The following NCKAP1 variants were observed in gnomAD, a reference collection of about 807,000 sequenced individuals.
NCKAP1 encodes the protein NCK associated protein 1, also known as nck-associated protein 1.
Under a neutral mutation model 151.2 loss-of-function variants are expected in NCKAP1, and 21 were observed. That is an observed-to-expected ratio of 0.14 (90% CI 0.10 to 0.20). The LOEUF (loss-of-function observed/expected upper bound fraction) is 0.20. Ranked by LOEUF, NCKAP1 falls within the 10% of genes least tolerant of loss-of-function variation. The pLI, the probability that NCKAP1 is intolerant of heterozygous loss-of-function variation, is 1.00. For synonymous variants in NCKAP1, 484 were observed against 451.8 expected (o/e 1.07, Z -0.90); for missense variants, 933 against 1,352.1 (o/e 0.69, Z 4.86).
At chr2:182,993,997 A>G (rs559157311) in intron 8 of NCKAP1, among the ~76,000 whole-genome samples, 2 of 152,306 alleles carry the variant, frequency 1.3e-5, no homozygotes, top group African/African-American at 4.8e-5. Flanking sequence ...TGATGTTCAC[A>G]ATAAAACGAA....
chr2:182,952,108 A>G (rs1049309206), intron 23 of NCKAP1, among the ~76,000 whole-genome samples: 1 of 152,224 alleles, frequency 6.6e-6, no homozygotes, highest in Non-Finnish European at 1.5e-5. Flanking sequence ...GGTATTTCAA[A>G]GAAAACATCA....
intron 23 of NCKAP1, among the ~76,000 whole-genome samples, chr2:182,950,052 A>T (rs1224310287): frequency 6.6e-6 from 1 of 152,184 alleles, no homozygotes; most frequent in Non-Finnish European, 1.5e-5. Flanking sequence ...TGATACGGTG[A>T]CATATGAAAA....
At chr2:183,024,122 G>A (rs1698844831) in intron 1 of NCKAP1, among the ~76,000 whole-genome samples, 1 of 151,872 alleles carries the variant, frequency 6.6e-6, no homozygotes, top group Non-Finnish European at 1.5e-5. Context: ...AAAAATGCAT[G>A]GAAAGTTTCG....
chr2:182,972,567 T>C (rs1034290056), intron 15 of NCKAP1, among the ~76,000 whole-genome samples: 4 of 152,178 alleles, frequency 2.6e-5, no homozygotes, highest in Non-Finnish European at 4.4e-5. Context: ...GCTGGGTATA[T>C]ATCCAAAAGA....
chr2:182,929,736 G>A (rs1387896594), intron 27 of NCKAP1, among the ~76,000 whole-genome samples: 1 of 148,880 alleles, frequency 6.7e-6, no homozygotes, highest in African/African-American at 2.5e-5. Flanking sequence ...CTGTATGAAT[G>A]AGGAAACAAA....
rs1353764113 is a variant in NCKAP1, at chr2:182,986,239, A to C, written c.948-12T>G. ...TACGTTTATTATAGCTAGGTGCAAA[A>C]ACAAATTAGAACGTTAGTTTAATTT... On this transcript the variant is annotated splice_polypyrimidine_tract_variant and intron_variant, in intron 9 of 30. Transcript: ENST00000361354. 6.9e-5 allele frequency: 110 copies of C among 1,599,422 alleles called. No homozygotes were observed. Among genetic ancestry groups the C allele is most frequent in the Non-Finnish European group, 8.7e-5 (102 of 1,167,174 alleles).
rs1031880283 is a variant in NCKAP1 at position 182,925,515 on chromosome 2, A to G, written c.*187T>C. 48 of 360,128 alleles carry G rather than the reference A, an allele frequency of 1.3e-4. No individual in the cohort carries two copies. The highest frequency in any genetic ancestry group is 2.3e-4 in the Non-Finnish European group (45 of 192,524). 22.3% of individuals were successfully genotyped at this position (360,128 alleles called of 1,614,324 possible). A position where few individuals can be genotyped will look rare whatever the true frequency, so the allele number is the denominator to read the frequency against. The stretch of plus-strand genomic sequence containing the variant: ...ATCTCAGTGAATTCAGTGAATGTGC[A>G]ACCTAAATCAACCAAGTATACTGTA... On this transcript the variant is annotated 3_prime_UTR_variant, in exon 31 of 31. Coordinates refer to ENST00000361354, the MANE Select transcript of NCKAP1 (RefSeq NM_013436.5).
intron 13 of NCKAP1, among the ~76,000 whole-genome samples, chr2:182,979,756 G>A (rs1471671774): frequency 6.6e-6 from 1 of 152,082 alleles, no homozygotes; most frequent in Non-Finnish European, 1.5e-5. Context: ...AAAATGCTCA[G>A]GCTTTGGAGT....
chr2:182,935,249 G>T, intron 25 of NCKAP1, 44 bp downstream of exon 25: 1 of 1,249,384 alleles, frequency 8.0e-7, no homozygotes, highest in Non-Finnish European at 1.1e-6. Flanking sequence ...GAAATTAAAA[G>T]GGATTGTTTG....
chr2:182,964,903 A>G (rs1697532471), intron 16 of NCKAP1, 95 bp from the exon 17 acceptor site: 3 of 944,900 alleles, frequency 3.2e-6, no homozygotes, highest in Admixed American at 5.6e-5. Flanking sequence ...TGAATGAATG[A>G]TAACTGGTAG....
At position 182,968,926 on chromosome 2, in the gene NCKAP1, C is replaced by T. The variant is rs565417169; in HGVS notation, c.1483-1565G>A. Among the ~76,000 whole-genome samples, 5 of 152,140 alleles carry T rather than the reference C, an allele frequency of 3.3e-5. No individual in the cohort carries two copies. In the East Asian group the frequency reaches 9.6e-4, roughly 29 times the overall value. On this transcript the variant is annotated intron_variant, in intron 15 of 30. Coordinates refer to ENST00000361354, the MANE Select transcript of NCKAP1 (RefSeq NM_013436.5). ...TGAGACAGTGACACCACAAAGGAGA[C>T]TTTTGTATTTTGTTGTTTTTGTCTA...
At chr2:183,024,370 A>C (rs1698849542) in intron 1 of NCKAP1, among the ~76,000 whole-genome samples, 1 of 152,196 alleles carries the variant, frequency 6.6e-6, no homozygotes, top group South Asian at 2.1e-4. Context: ...TTTTAATACA[A>C]GAGCCCTAGT....
At chr2:182,974,331 G>T (rs776055761) in intron 15 of NCKAP1, among the ~76,000 whole-genome samples, 2 of 151,142 alleles carry the variant, frequency 1.3e-5, no homozygotes, top group African/African-American at 2.4e-5. Context: ...TTCTAAACGT[G>T]GTTAACAGCA....
chr2:182,929,109 C>T (rs897832568), intron 27 of NCKAP1, among the ~76,000 whole-genome samples: 3 of 151,376 alleles, frequency 2.0e-5, no homozygotes, highest in Admixed American at 2.0e-4. Flanking sequence ...GGACTATTAT[C>T]AACTACTTAG....
At chr2:182,990,556 C>G (rs1698147062) in intron 8 of NCKAP1, among the ~76,000 whole-genome samples, 1 of 152,088 alleles carries the variant, frequency 6.6e-6, no homozygotes, top group African/African-American at 2.4e-5. Context: ...TACATGCTGA[C>G]TGATATCCTC....
Position 182,993,735 on chromosome 2 carries a change from A to T in NCKAP1, c.790+1104T>A, listed in dbSNP as rs561594087. 1.2e-3 allele frequency among the ~76,000 whole-genome samples: 143 copies of T among 121,016 alleles called. 1 individual carries two copies. The highest frequency in any genetic ancestry group is 5.6e-3 in the African/African-American group (139 of 24,648). 79.4% of individuals were successfully genotyped at this position (121,016 alleles called of 152,430 possible). On this transcript the variant is annotated intron_variant, in intron 8 of 30. Transcript: ENST00000361354. ...CCAGGGCCTACTTGAAGGTTGGGAT[A>T]AAAAAAACGACCTATCAGGTACTAT...
intron 10 of NCKAP1, among the ~76,000 whole-genome samples, chr2:182,983,629 C>T (rs982594725): frequency 2.6e-5 from 4 of 152,176 alleles, no homozygotes; most frequent in Non-Finnish European, 5.9e-5. Flanking sequence ...TCCTACCCAA[C>T]CTTCAAGACC....
At chr2:182,964,208 C>A (rs1257525101) in intron 17 of NCKAP1, among the ~76,000 whole-genome samples, 1 of 152,116 alleles carries the variant, frequency 6.6e-6, no homozygotes, top group Admixed American at 6.5e-5. Flanking sequence ...TATGCACATG[C>A]ATGTATGTAT....
chr2:182,929,667 A>T (rs1696719848), intron 27 of NCKAP1, among the ~76,000 whole-genome samples: 1 of 151,934 alleles, frequency 6.6e-6, no homozygotes, highest in Non-Finnish European at 1.5e-5. Context: ...ACTACAAAAA[A>T]TACAGCTGTA....
Sources: allele counts gnomAD v4.1 joint callset (sites outside exome capture counted in the v4.1 genomes callset), GRCh38; gene constraint gnomAD v4.1.1; transcripts MANE v1.5; gene names NCBI Gene and HGNC (gene_info 2026-07-23, HGNC 2026-07-21).